Variants in CSMD1 observed in about 807,000 individuals in gnomAD.
CSMD1 encodes CUB and Sushi multiple domains 1, also known as CUB and sushi domain-containing protein 1.
Under a neutral mutation model 417.5 loss-of-function variants are expected in CSMD1, and 213 were observed. That is an observed-to-expected ratio of 0.51 (90% CI 0.46 to 0.57). The LOEUF is 0.57. Among genes scored for constraint, CSMD1 ranks in the 20% least tolerant of loss-of-function variants. The probability of loss-of-function intolerance (pLI) is 0.00; values close to 1 mark genes in which losing one functional copy is unlikely to be tolerated. For missense variants in CSMD1, 6,923 were observed against 4,529.7 expected, an observed-to-expected ratio of 1.53 and a Z score of -15.17; for synonymous variants, 2,862 against 1,736.8, an observed-to-expected ratio of 1.65 and a Z score of -16.11.
At chr8:3,423,049 T>C (rs1011490140) in intron 12 of CSMD1, among the ~76,000 whole-genome samples, 3 of 152,236 alleles carry the variant, frequency 2.0e-5, no homozygotes, top group Admixed American at 6.5e-5. Context: ...GCTAGTCGAG[T>C]TGTACAGTCC....
chr8:3,247,215 A>T (rs1799938148), intron 26 of CSMD1, among the ~76,000 whole-genome samples: 1 of 152,180 alleles, frequency 6.6e-6, no homozygotes, highest in Non-Finnish European at 1.5e-5. Context: ...AAAAGTCCTC[A>T]TGCCTTCCTT....
Position 3,042,745 on chromosome 8 carries a change from T to C in CSMD1, c.7660+9717A>G, listed in dbSNP as rs912326863. ...CAGAGATTTAACTCGTGTAAAATGA[T>C]TAAAACAGTGCCTGGTGCTCATAGA... is the stretch of plus-strand genomic sequence containing the variant. On this transcript the variant is annotated intron_variant, in intron 50 of 69. Transcript: ENST00000635120. Among the ~76,000 whole-genome samples, 28 of 152,250 alleles carry C rather than the reference T, an allele frequency of 1.8e-4. 1 individual carries two copies. Among genetic ancestry groups the C allele is most frequent in the Middle Eastern group, 3.4e-3 (1 of 294 alleles).
At chr8:3,805,197 A>T (rs1017574498) in intron 5 of CSMD1, among the ~76,000 whole-genome samples, 4 of 152,132 alleles carry the variant, frequency 2.6e-5, no homozygotes, top group African/African-American at 7.2e-5. Flanking sequence ...CTACAACATG[A>T]CAAGGGAAGG....
At chr8:4,242,944 C>A (rs1013254837) in intron 3 of CSMD1, among the ~76,000 whole-genome samples, 9 of 152,142 alleles carry the variant, frequency 5.9e-5, no homozygotes, top group Non-Finnish European at 1.2e-4. Flanking sequence ...CAATATATAA[C>A]ATTGCATGAA....
At chr8:4,185,192 C>T (rs968788361) in intron 3 of CSMD1, among the ~76,000 whole-genome samples, 3 of 136,120 alleles carry the variant, frequency 2.2e-5, no homozygotes, top group African/African-American at 8.2e-5. Context: ...AAAAGAAACA[C>T]AAAAATGCAA....
intron 46 of CSMD1, 136 bp downstream of exon 46, chr8:3,106,392 T>C (rs1318517194): frequency 1.7e-6 from 1 of 579,506 alleles, no homozygotes. Context: ...AGTAAGACCC[T>C]ATCTCCAAGA....
At chr8:4,482,001 T>C (rs1244430606) in intron 2 of CSMD1, among the ~76,000 whole-genome samples, 1 of 152,188 alleles carries the variant, frequency 6.6e-6, no homozygotes, top group East Asian at 1.9e-4. Flanking sequence ...AGTACAAGTC[T>C]TTCCAGAGAT....
chr8:4,875,353 A>G (rs1802982355), intron 1 of CSMD1, among the ~76,000 whole-genome samples: 1 of 152,106 alleles, frequency 6.6e-6, no homozygotes, highest in South Asian at 2.1e-4. Context: ...ATATTTTGGA[A>G]CTGAAAAGTG....
intron 1 of CSMD1, among the ~76,000 whole-genome samples, chr8:4,720,945 G>C (rs1034208915): frequency 6.6e-6 from 1 of 152,092 alleles, no homozygotes; most frequent in African/African-American, 2.4e-5. Context: ...CAATTCACCA[G>C]CTCTTAAGCT....
At chr8:3,534,029 T>C (rs1798088927) in intron 10 of CSMD1, among the ~76,000 whole-genome samples, 2 of 152,180 alleles carry the variant, frequency 1.3e-5, no homozygotes, top group African/African-American at 4.8e-5. Context: ...GAATATTCTA[T>C]GAATAAAAGT....
At chr8:3,449,762 C>G (rs1463115083) in intron 12 of CSMD1, among the ~76,000 whole-genome samples, 2 of 152,190 alleles carry the variant, frequency 1.3e-5, no homozygotes, top group Non-Finnish European at 2.9e-5. Flanking sequence ...AGGTGATCCT[C>G]CCACCTTGGC....
chr8:3,658,484 A>ATATATATATAT (rs1554502347), intron 7 of CSMD1, among the ~76,000 whole-genome samples: 1 of 143,122 alleles, frequency 7.0e-6, no homozygotes, highest in Non-Finnish European at 1.5e-5. Context: ...ATATATATTT[A>ATATATATATAT]ATTTAAAGCT....
chr8:3,437,953 C>G (rs917321205), intron 12 of CSMD1, among the ~76,000 whole-genome samples: 1 of 152,016 alleles, frequency 6.6e-6, no homozygotes, highest in African/African-American at 2.4e-5. Context: ...GTTGGCCAGG[C>G]TCATCTCGAA....
intron 2 of CSMD1, among the ~76,000 whole-genome samples, chr8:4,571,819 G>C (rs907186787): frequency 6.6e-6 from 1 of 151,996 alleles, no homozygotes; most frequent in Non-Finnish European, 1.5e-5. Context: ...TTCTATATTG[G>C]GTGCATATAT....
chr8:4,946,090 C>A (rs1443281882), intron 1 of CSMD1, among the ~76,000 whole-genome samples: 1 of 152,144 alleles, frequency 6.6e-6, no homozygotes, highest in Non-Finnish European at 1.5e-5. Flanking sequence ...TCCACTTGCA[C>A]ACCCAGCTGT....
intron 14 of CSMD1, among the ~76,000 whole-genome samples, chr8:3,407,030 G>T (rs1032265370): frequency 2.0e-5 from 3 of 152,122 alleles, no homozygotes; most frequent in African/African-American, 4.8e-5. Flanking sequence ...AGGAAGAATA[G>T]AAGGAAGAAA....
intron 54 of CSMD1, among the ~76,000 whole-genome samples, chr8:2,995,717 A>C (rs575382543): frequency 6.6e-6 from 1 of 152,320 alleles, no homozygotes; most frequent in East Asian, 1.9e-4. Context: ...CTCCACAGGA[A>C]AAAGGGACTG....
chr8:4,424,785 G>T (rs1035716585), intron 2 of CSMD1, among the ~76,000 whole-genome samples: 1 of 151,940 alleles, frequency 6.6e-6, no homozygotes, highest in East Asian at 1.9e-4. Flanking sequence ...ATCAATATTC[G>T]GTTGTGTAAT....
chr8:3,150,189 G>C (rs1819107162), intron 40 of CSMD1, among the ~76,000 whole-genome samples: 1 of 152,114 alleles, frequency 6.6e-6, no homozygotes, highest in African/African-American at 2.4e-5. Flanking sequence ...AACAAAACCA[G>C]CAAACCAAGA....
Sources: allele counts gnomAD v4.1 joint callset (sites outside exome capture counted in the v4.1 genomes callset), GRCh38; gene constraint gnomAD v4.1.1; transcripts MANE v1.5; gene names NCBI Gene and HGNC (gene_info 2026-07-23, HGNC 2026-07-21).